Variants in LYG1 observed in about 807,000 individuals in gnomAD.
LYG1 encodes the protein lysozyme g1, also known as lysozyme g-like protein 1.
LYG1 carries 17 observed loss-of-function variants against 21.7 expected under a neutral mutation model. That is an observed-to-expected ratio of 0.78 (90% CI 0.54 to 1.18). The LOEUF (loss-of-function observed/expected upper bound fraction) is 1.18. Among genes scored for constraint, LYG1 ranks in the 50% most tolerant of loss-of-function variants. LYG1 has a pLI of 0.00. For missense variants in LYG1, 211 were observed against 238.1 expected, an observed-to-expected ratio of 0.89 and a Z score of 0.75; for synonymous variants, 81 against 87.4, an observed-to-expected ratio of 0.93 and a Z score of 0.41.
At position 99,295,645 on chromosome 2, in the gene LYG1, C is replaced by G; in HGVS notation, c.26G>C (p.Gly9Ala). The G allele has an allele frequency of 6.2e-7, 1 of 1,614,124 alleles. No homozygotes were observed. Among genetic ancestry groups the G allele is most frequent in the Non-Finnish European group, 8.5e-7 (1 of 1,180,042 alleles). MSALWLLL[G>A]LLALMDLSES... ...ACACTCACCCATCAGGGCAAGGAGG[C>G]CCAGCAGCAGCCACAATGCAGACAT... Residue 9 changes from glycine to alanine, a missense_variant, in exon 3 of 7, where the codon GGC becomes GCC. By Grantham distance (60) the Gly-to-Ala change is moderately conservative. Coordinates refer to ENST00000308528, the MANE Select transcript of LYG1 (RefSeq NM_174898.3).
rs745703694 is a variant in LYG1 at position 99,291,383 on chromosome 2, G to A, written c.187C>T (p.Pro63Ser). 2 of 1,614,160 alleles carry A rather than the reference G, an allele frequency of 1.2e-6. No individual in the cohort carries two copies. The highest frequency in any genetic ancestry group is 1.3e-5 in the African/African-American group (1 of 75,034). Residue 63 changes from proline to serine, a missense_variant, in exon 5 of 7, where the codon CCA (proline) becomes TCA (serine). Coordinates refer to ENST00000308528, the MANE Select transcript of LYG1 (RefSeq NM_174898.3). ...ASERLAEIDMPYLLKYQPMMQ... is the reference protein window; with the variant it reads ...ASERLAEIDMSYLLKYQPMMQ... Reference sequence around the variant, plus strand: ...ATGGGTTGATATTTCAGGAGGTATGGCATGTCTATTTCAGCCAGCCTTTCA... The same window carrying A: ...ATGGGTTGATATTTCAGGAGGTATGACATGTCTATTTCAGCCAGCCTTTCA...
At chr2:99,284,554 G>C in intron 6 of LYG1, 43 bp from the exon 7 acceptor site, 1 of 1,602,346 alleles carries the variant, frequency 6.2e-7, no homozygotes, top group Non-Finnish European at 8.5e-7. Flanking sequence ...AGGGTACTCA[G>C]CAGTTAACTC....
chr2:99,292,622 T>C lies in LYG1; in HGVS notation c.62A>G (p.Asn21Ser). The stretch of plus-strand genomic sequence containing the variant: ...TTGGATGTTTCCATAGCATCCCCAG[T>C]TGCTGCTTTCAGACAAGTCTACAAG... ...LALMDLSESS[N>S]WGCYGNIQSL... Residue 21 changes from asparagine (N) to serine (S), a missense_variant, in exon 4 of 7, where the codon AAC becomes AGC. Coordinates refer to ENST00000308528, the MANE Select transcript of LYG1 (RefSeq NM_174898.3). 1.2e-6 allele frequency: 2 copies of C among 1,613,920 alleles called. No homozygotes were observed. The highest frequency in any genetic ancestry group is 1.1e-5 in the South Asian group (1 of 91,080).
At chr2:99,291,144 G>T in intron 5 of LYG1, 93 bp downstream of exon 5, 1 of 1,226,412 alleles carries the variant, frequency 8.2e-7, no homozygotes, top group Non-Finnish European at 1.2e-6. Context: ...CTTCATTCAT[G>T]CTGTGTTCTG....
intron 5 of LYG1, among the ~76,000 whole-genome samples, chr2:99,285,102 C>T (rs1021547528): frequency 6.6e-6 from 1 of 152,174 alleles, no homozygotes; most frequent in African/African-American, 2.4e-5. Context: ...TGGCTTATGC[C>T]TGTGATCCCA....
chr2:99,303,564 G>A (rs1233508867), upstream of LYG1, among the ~76,000 whole-genome samples: 1 of 152,112 alleles, frequency 6.6e-6, no homozygotes, highest in Non-Finnish European at 1.5e-5. Context: ...TCCAGCCTCC[G>A]GGACACTCCG....
Position 99,284,414 on chromosome 2 carries a change from G to T in LYG1, c.564C>A (p.Tyr188Ter), listed in dbSNP as rs375464074. The change falls in exon 7 of 7, where the codon TAC becomes TAA. Residue 188 changes from tyrosine (Y) to a stop codon, truncating the protein, a stop_gained. Transcript: ENST00000308528. LOFTEE classifies it high-confidence loss of function. Reference protein sequence around the residue: ...FCNDVLARAKYLKRHGF With the variant: ...FCNDVLARAK ...GATGTTAGAAGCCATGTCTCTTGAG[G>T]TACTTGGCTCGTGCAAGGACATCAT... 6.2e-7 allele frequency: 1 copy of T among 1,614,100 alleles called. No homozygotes were observed. Among genetic ancestry groups the T allele is most frequent in the Non-Finnish European group, 8.5e-7 (1 of 1,179,952 alleles).
In LYG1 at chr2:99,284,263, G is replaced by T; in HGVS notation, c.*130C>A. ...TGCAGGTCAAAATTCTTCCTTTAAT[G>T]TGATTCATGTTATTTTAATGACTTT... On this transcript the variant is annotated 3_prime_UTR_variant, in exon 7 of 7. Transcript: ENST00000308528. 1.3e-6 allele frequency: 1 copy of T among 757,858 alleles called. No homozygotes were observed. The highest frequency in any genetic ancestry group is 2.2e-6 in the Non-Finnish European group (1 of 447,052). 46.9% of individuals were successfully genotyped at this position (757,858 alleles called of 1,614,324 possible).
chr2:99,299,915 C>T (rs748905180), intron 1 of LYG1, among the ~76,000 whole-genome samples: 63 of 151,560 alleles, frequency 4.2e-4, no homozygotes, highest in Middle Eastern at 3.4e-3. Flanking sequence ...TACATATATA[C>T]ACACACACGT....
chr2:99,288,093 G>A (rs1025356098), intron 5 of LYG1, among the ~76,000 whole-genome samples: 1 of 152,020 alleles, frequency 6.6e-6, no homozygotes, highest in African/African-American at 2.4e-5. Flanking sequence ...TTCCCATTAT[G>A]ATAGCAGGTT....
intron 3 of LYG1, among the ~76,000 whole-genome samples, chr2:99,295,101 C>CA (rs202112047): frequency 0.029 from 4,464 of 151,600 alleles, 260 homozygotes; most frequent in Admixed American, 0.14. Flanking sequence ...AATTCCATCT[C>CA]AAAAAAAACA....
chr2:99,304,205 G>A (rs190789422), upstream of LYG1, among the ~76,000 whole-genome samples: 5 of 151,326 alleles, frequency 3.3e-5, no homozygotes, highest in East Asian at 9.8e-4. Context: ...GTTGTGGGAG[G>A]GACCCAGTGG....
intron 2 of LYG1, among the ~76,000 whole-genome samples, chr2:99,296,520 G>T (rs1042283306): frequency 6.6e-6 from 1 of 151,962 alleles, no homozygotes; most frequent in Non-Finnish European, 1.5e-5. Flanking sequence ...AACAGCCCTG[G>T]TTCTCCTACT....
chr2:99,293,793 CA>C (rs2094127987), intron 3 of LYG1, among the ~76,000 whole-genome samples: 1 of 152,136 alleles, frequency 6.6e-6, no homozygotes, highest in Non-Finnish European at 1.5e-5. Flanking sequence ...CTACAATTCA[CA>C]CCAGAATGGG....
chr2:99,291,809 C>T (rs2094119279), intron 4 of LYG1, among the ~76,000 whole-genome samples: 1 of 152,208 alleles, frequency 6.6e-6, no homozygotes, highest in Non-Finnish European at 1.5e-5. Context: ...GCAAACCCTT[C>T]AATAAGTCTT....
chr2:99,303,666 C>G (rs2094160285), upstream of LYG1, among the ~76,000 whole-genome samples: 1 of 152,190 alleles, frequency 6.6e-6, no homozygotes. Flanking sequence ...GGAGACTTCA[C>G]AGAAGACCAG....
chr2:99,290,997 C>A (rs1390541157), intron 5 of LYG1, among the ~76,000 whole-genome samples: 1 of 152,108 alleles, frequency 6.6e-6, no homozygotes, highest in Non-Finnish European at 1.5e-5. Flanking sequence ...TCCAGAAATC[C>A]AGAATAGGGT....
intron 5 of LYG1, among the ~76,000 whole-genome samples, chr2:99,285,441 TCCATGC>T (rs904419053): frequency 2.2e-4 from 33 of 151,292 alleles, no homozygotes; most frequent in Non-Finnish European, 3.2e-4. Context: ...AATTCCCAAA[TCCATGC>T]AAGCACAGAA....
intron 1 of LYG1, among the ~76,000 whole-genome samples, chr2:99,300,085 T>G (rs1429942388): frequency 1.3e-5 from 2 of 152,150 alleles, no homozygotes; most frequent in African/African-American, 2.4e-5. Context: ...TAAGATCTTT[T>G]TTTTTTTGAG....
Sources: allele counts gnomAD v4.1 joint callset (sites outside exome capture counted in the v4.1 genomes callset), GRCh38; gene constraint gnomAD v4.1.1; transcripts MANE v1.5; gene names NCBI Gene and HGNC (gene_info 2026-07-23, HGNC 2026-07-21).